Variants in PCDHGA1 observed in about 807,000 individuals in gnomAD.
The protein encoded by PCDHGA1 is protocadherin gamma-A1.
In PCDHGA1, 32 loss-of-function variants were observed where a neutral mutation model predicts 58.0. That is an observed-to-expected ratio of 0.55 (90% CI 0.42 to 0.74). The LOEUF is 0.74. Among genes scored for constraint, PCDHGA1 ranks in the 30% least tolerant of loss-of-function variants. PCDHGA1 has a pLI of 0.00. For missense variants in PCDHGA1, 1,205 were observed against 1,182.3 expected, an observed-to-expected ratio of 1.02 and a Z score of -0.28; for synonymous variants, 498 against 501.1, an observed-to-expected ratio of 0.99 and a Z score of 0.08.
chr5:141,357,470 T>C, intron 1 of PCDHGA1: 1 of 1,614,068 alleles, frequency 6.2e-7, no homozygotes, highest in South Asian at 1.1e-5. Context: ...TCCCACGAGG[T>C]CTCCCTCACC....
chr5:141,345,251 G>C, intron 1 of PCDHGA1: 1 of 1,613,866 alleles, frequency 6.2e-7, no homozygotes, highest in Non-Finnish European at 8.5e-7. Context: ...GCTTAGTGAC[G>C]GCCACATCCC....
Position 141,432,059 on chromosome 5 carries a change from A to T in PCDHGA1, c.2422-62748A>T. On this transcript the variant is annotated intron_variant, in intron 1 of 3. Transcript: ENST00000517417. This position sits in a 1 kb window ranked among gnomAD's most constrained non-coding sequence, Gnocchi z 6.0. ...TGACCGGGGAACCCCGCCCCTATCC[A>T]CGGAAACTCATATCTCGCTGAACGT... The T allele has an allele frequency of 6.2e-7, 1 of 1,614,170 alleles. No homozygotes were observed. Among genetic ancestry groups the T allele is most frequent in the Non-Finnish European group, 8.5e-7 (1 of 1,180,030 alleles).
intron 1 of PCDHGA1, chr5:141,393,474 C>G (rs773609499): frequency 3.1e-6 from 5 of 1,614,044 alleles, no homozygotes; most frequent in Non-Finnish European, 4.2e-6. Flanking sequence ...CGGCAAGCCG[C>G]CTCGCTCTAG....
intron 1 of PCDHGA1, chr5:141,440,744 A>C (rs2098197850): frequency 6.6e-6 from 1 of 152,194 alleles, no homozygotes; most frequent in Non-Finnish European, 1.5e-5. Context: ...CTGCTTGACT[A>C]GGAAAAGCAG....
chr5:141,389,481 C>T (rs372276550), intron 1 of PCDHGA1: 5 of 1,612,962 alleles, frequency 3.1e-6, no homozygotes, highest in African/African-American at 1.3e-5. Context: ...ACTGCAGGCC[C>T]GCGACCAGGG....
Position 141,375,991 on chromosome 5 carries a change from C to A in PCDHGA1, c.2421+42886C>A, listed in dbSNP as rs770239249. 2 of 1,613,448 alleles carry A rather than the reference C, an allele frequency of 1.2e-6. No homozygotes were observed. The highest frequency in any genetic ancestry group is 2.7e-5 in the African/African-American group (2 of 75,068). On this transcript the variant is annotated intron_variant, in intron 1 of 3. Transcript: ENST00000517417. ...CGGCGCGCGCCCTGCTGGACAGAGA[C>A]GCGCTCAAGCAGAGCCTAGTGGTGG...
chr5:141,376,372 G>C (rs531227586), intron 1 of PCDHGA1: 2 of 1,614,182 alleles, frequency 1.2e-6, no homozygotes, highest in Admixed American at 1.7e-5. Context: ...CTGCAGACTC[G>C]CGTAAGAGTC....
Position 141,364,781 on chromosome 5 carries a change from C to G in PCDHGA1, c.2421+31676C>G, listed in dbSNP as rs754157065. On this transcript the variant is annotated intron_variant, in intron 1 of 3. Transcript: ENST00000517417. ...TAATGAAAATGCGGCTGCAGGGACA[C>G]GGTTAGTGCTTCCCTTCGCGCGGGA... 5 of 1,613,988 alleles carry G rather than the reference C, an allele frequency of 3.1e-6. No homozygotes were observed. The South Asian group carries it at 3.3e-5, about 11-fold the overall frequency.
chr5:141,338,567 T>TA (rs1163980427), intron 1 of PCDHGA1, among the ~76,000 whole-genome samples: 1 of 152,210 alleles, frequency 6.6e-6, no homozygotes, highest in Non-Finnish European at 1.5e-5. Context: ...TTAATCCTGA[T>TA]AAAAAGATTC....
chr5:141,456,026 T>A (rs2098840894), intron 1 of PCDHGA1, among the ~76,000 whole-genome samples: 1 of 151,690 alleles, frequency 6.6e-6, no homozygotes, highest in African/African-American at 2.4e-5. Context: ...GCCTCCCGAG[T>A]AGCTGGGACT....
intron 1 of PCDHGA1, chr5:141,360,285 C>T: frequency 1.2e-6 from 2 of 1,613,972 alleles, no homozygotes; most frequent in Non-Finnish European, 1.7e-6. Context: ...TAGGAAACCT[C>T]GCCAAGGATC....
intron 1 of PCDHGA1, chr5:141,420,292 T>C (rs761934978): frequency 2.7e-6 from 4 of 1,485,132 alleles, no homozygotes; most frequent in Middle Eastern, 1.8e-4. Context: ...TTTAAAAATG[T>C]ATTTAATCCT....
At chr5:141,496,838 T>C (rs182118142) in intron 2 of PCDHGA1, among the ~76,000 whole-genome samples, 39 of 150,790 alleles carry the variant, frequency 2.6e-4, no homozygotes, top group African/African-American at 8.3e-4. Flanking sequence ...CCAGAACTCA[T>C]AGGCTTCCAG....
intron 1 of PCDHGA1, chr5:141,415,846 G>A: frequency 3.2e-6 from 4 of 1,240,536 alleles, no homozygotes; most frequent in Non-Finnish European, 4.2e-6. Flanking sequence ...TAGCTTTGCA[G>A]AACCTTGTAG....
In PCDHGA1 at chr5:141,332,413, C is replaced by T. The variant is rs756144592; in HGVS notation, c.1729C>T (p.Leu577=). ...LPTDGSTGVE[L]APLSAEPGYL... is the part of the protein sequence containing the mutation. ...CACAGATGGTTCTACCGGCGTGGAG[C>T]TGGCGCCCCTCTCCGCAGAGCCCGG... is the stretch of plus-strand genomic sequence containing the variant. Residue 577 remains leucine, a synonymous_variant, in exon 1 of 4, where the codon CTG becomes TTG. Coordinates refer to ENST00000517417, the MANE Select transcript of PCDHGA1 (RefSeq NM_018912.3). This position sits in a 1 kb window ranked among gnomAD's most constrained non-coding sequence, Gnocchi z 4.6. 6.2e-6 allele frequency: 10 copies of T among 1,614,136 alleles called. No homozygotes were observed. The East Asian group carries it at 2.2e-4, about 36-fold the overall frequency.
rs1340366910 is a variant in PCDHGA1 at position 141,490,965 on chromosome 5, C to T, written c.2422-3842C>T. The T allele has an allele frequency of 2.5e-6, 4 of 1,613,738 alleles. No homozygotes were observed. The highest frequency in any genetic ancestry group is 2.7e-5 in the African/African-American group (2 of 74,934). On this transcript the variant is annotated intron_variant, in intron 1 of 3. Transcript: ENST00000517417. This position sits in a 1 kb window ranked among gnomAD's most constrained non-coding sequence, Gnocchi z 5.4. Reference sequence around the variant, plus strand: ...CACGGCCAGACTGGGAACACTCAGCCCCCCAGCGTCTCCCTCGCTCTGCTC... The same window carrying T: ...CACGGCCAGACTGGGAACACTCAGCTCCCCAGCGTCTCCCTCGCTCTGCTC...
chr5:141,478,668 T>G (rs1411369994), intron 1 of PCDHGA1: 40 of 1,551,660 alleles, frequency 2.6e-5, no homozygotes, highest in Non-Finnish European at 3.4e-5. Flanking sequence ...CATTCACACT[T>G]TCAACTGGCC....
Position 141,511,703 on chromosome 5 carries a change from T to G in PCDHGA1, c.*530T>G, listed in dbSNP as rs148447880. On this transcript the variant is annotated 3_prime_UTR_variant, in exon 4 of 4. Coordinates refer to ENST00000517417, the MANE Select transcript of PCDHGA1 (RefSeq NM_018912.3). ...AAAGCATGGTTTGGTGCCAGCCCCT[T>G]CACCTCCTTCCAGAGCCCAAGATCA... The G allele has an allele frequency of 1.1e-4, 21 of 189,942 alleles. No homozygotes were observed. In the East Asian group the frequency reaches 2.4e-3, roughly 22 times the overall value. 11.8% of individuals were successfully genotyped at this position (189,942 alleles called of 1,614,324 possible).
intron 1 of PCDHGA1, among the ~76,000 whole-genome samples, chr5:141,402,590 A>G (rs1379327637): frequency 6.6e-6 from 1 of 152,238 alleles, no homozygotes; most frequent in Admixed American, 6.5e-5. Flanking sequence ...TAAAAAATAG[A>G]TTGCTTTTGA....
Sources: allele counts gnomAD v4.1 joint callset (sites outside exome capture counted in the v4.1 genomes callset), GRCh38; gene constraint gnomAD v4.1.1; non-coding constraint Gnocchi (gnomAD v3.1); transcripts MANE v1.5; gene names NCBI Gene and HGNC (gene_info 2026-07-23, HGNC 2026-07-21).